The following MORN5 variants were observed in gnomAD, a reference collection of about 807,000 sequenced individuals.
MORN5 encodes MORN repeat containing 5, also known as MORN repeat-containing protein 5.
In MORN5, 21 loss-of-function variants were observed where a neutral mutation model predicts 22.1. The observed-to-expected ratio is 0.95, with a 90% confidence interval of 0.67 to 1.37. The LOEUF (loss-of-function observed/expected upper bound fraction) is 1.37. MORN5 is among the 40% of genes most tolerant of loss of function. The pLI, the probability that MORN5 is intolerant of heterozygous loss-of-function variation, is 0.00. For missense variants in MORN5, 211 were observed against 215.1 expected (o/e 0.98, Z 0.12); for synonymous variants, 73 against 74.0 (o/e 0.99, Z 0.07).
intron 1 of MORN5, among the ~76,000 whole-genome samples, chr9:122,162,777 A>C (rs564472240): frequency 6.6e-6 from 1 of 152,366 alleles, no homozygotes; most frequent in East Asian, 1.9e-4. Context: ...ATGCAAATCT[A>C]TGGTGACAGA....
At chr9:122,192,518 G>A (rs1829794244) in intron 4 of MORN5, among the ~76,000 whole-genome samples, 1 of 150,476 alleles carries the variant, frequency 6.6e-6, no homozygotes, top group Non-Finnish European at 1.5e-5. Flanking sequence ...AGACTTTCAG[G>A]ATCTCTTTTT....
chr9:122,186,181 C>T (rs1447969896), intron 4 of MORN5, among the ~76,000 whole-genome samples: 3 of 152,202 alleles, frequency 2.0e-5, no homozygotes, highest in South Asian at 2.1e-4. Flanking sequence ...TGAACGCCTC[C>T]ATGGTGCCAG....
chr9:122,166,313 C>T (rs571937132), intron 1 of MORN5, among the ~76,000 whole-genome samples: 1 of 148,690 alleles, frequency 6.7e-6, no homozygotes, highest in South Asian at 2.1e-4. Context: ...AAGCTTCAAA[C>T]CCTTACTCCT....
At chr9:122,178,677 C>T (rs1284099070) in intron 4 of MORN5, among the ~76,000 whole-genome samples, 1 of 152,164 alleles carries the variant, frequency 6.6e-6, no homozygotes, top group East Asian at 1.9e-4. Context: ...TCCCAGGTTC[C>T]ATTTGCCTTG....
intron 1 of MORN5, among the ~76,000 whole-genome samples, chr9:122,160,902 T>G (rs185129981): frequency 6.6e-6 from 1 of 152,308 alleles, no homozygotes; most frequent in East Asian, 1.9e-4. Flanking sequence ...CAATGTTGAG[T>G]GGCTACCGAG....
In MORN5 at chr9:122,160,542, T is replaced by C. The variant is rs536136177; in HGVS notation, c.47+523T>C. ...ATTCAACAGTTTTTTTTTCTTTTCT[T>C]TTCCTTCCTTCCTTCCTTCCTTTTT... On this transcript the variant is annotated intron_variant, in intron 1 of 4. Transcript: ENST00000373764. Among the ~76,000 whole-genome samples the C allele has an allele frequency of 3.3e-5, 5 of 151,476 alleles. No individual in the cohort carries two copies. In the East Asian group the frequency reaches 7.8e-4, roughly 23 times the overall value.
chr9:122,185,443 G>A (rs1031344108), intron 4 of MORN5, among the ~76,000 whole-genome samples: 1 of 144,188 alleles, frequency 6.9e-6, no homozygotes, highest in Non-Finnish European at 1.5e-5. Flanking sequence ...AGCCAGGATG[G>A]TCTCGATCTC....
In MORN5 at chr9:122,174,571, A is replaced by G. The variant is rs777428150; in HGVS notation, c.383A>G (p.Tyr128Cys). Residue 128 changes from tyrosine (Y) to cysteine (C), a missense_variant, in exon 4 of 5, where the codon TAT (tyrosine) becomes TGT (cysteine). By Grantham distance (194) the Tyr-to-Cys change is radical (BLOSUM62 -2). Transcript: ENST00000373764. The stretch of plus-strand genomic sequence containing the variant: ...TATTACGATTGTGGAGACGGCTTCT[A>G]TAACCCAGTCACGAGGGTAGTCAAG... Reference protein sequence around the residue: ...KGYYDCGDGFYNPVTRVVKDY... With the variant: ...KGYYDCGDGFCNPVTRVVKDY... 2 of 1,614,190 alleles carry G rather than the reference A, an allele frequency of 1.2e-6. No individual in the cohort carries two copies. Among genetic ancestry groups the G allele is most frequent in the Non-Finnish European group, 1.7e-6 (2 of 1,180,036 alleles).
chr9:122,195,742 A>G (rs1304455296), intron 4 of MORN5, among the ~76,000 whole-genome samples: 1 of 152,106 alleles, frequency 6.6e-6, no homozygotes, highest in Non-Finnish European at 1.5e-5. Context: ...CTCCCTTTCC[A>G]TACTGTACTC....
At chr9:122,160,568 T>C (rs1029522516) in intron 1 of MORN5, among the ~76,000 whole-genome samples, 13 of 151,628 alleles carry the variant, frequency 8.6e-5, no homozygotes, top group Non-Finnish European at 1.9e-4. Context: ...CTTCCTTTTT[T>C]CCTTCCTTCC....
chr9:122,164,786 T>G (rs897779655), intron 1 of MORN5: 5 of 234,596 alleles, frequency 2.1e-5, no homozygotes, highest in Admixed American at 6.5e-5. Context: ...TCCCCCCATG[T>G]CTTGCACTAG....
chr9:122,174,137 C>T (rs1829408319), intron 3 of MORN5, among the ~76,000 whole-genome samples: 1 of 152,236 alleles, frequency 6.6e-6, no homozygotes, highest in Admixed American at 6.5e-5. Context: ...TGCCACCCCT[C>T]TTCTGGATCT....
At chr9:122,179,673 C>A (rs1270846934) in intron 4 of MORN5, among the ~76,000 whole-genome samples, 1 of 152,166 alleles carries the variant, frequency 6.6e-6, no homozygotes, top group Non-Finnish European at 1.5e-5. Flanking sequence ...GTATTTTGGT[C>A]CTGATATTAT....
intron 1 of MORN5, chr9:122,164,757 G>C (rs1829251235): frequency 2.2e-4 from 61 of 277,086 alleles, no homozygotes; most frequent in South Asian, 4.1e-4. Context: ...AGGAGGGAAG[G>C]AGAAGAGGAA....
intron 3 of MORN5, 151 bp downstream of exon 3, chr9:122,169,907 C>T: frequency 1.6e-6 from 1 of 635,004 alleles, no homozygotes. Flanking sequence ...GGTCCTGGAG[C>T]CAGGAAGGCC....
chr9:122,163,965 T>C (rs948322565), intron 1 of MORN5, among the ~76,000 whole-genome samples: 2 of 152,072 alleles, frequency 1.3e-5, no homozygotes, highest in Non-Finnish European at 2.9e-5. Flanking sequence ...CTCACAGCAA[T>C]GTCCACCCCA....
At chr9:122,199,171 C>A (rs1183451861) in intron 4 of MORN5, among the ~76,000 whole-genome samples, 1 of 152,208 alleles carries the variant, frequency 6.6e-6, no homozygotes, top group Non-Finnish European at 1.5e-5. Context: ...ACAGCACAGG[C>A]TTTATAGCTG....
Position 122,200,070 on chromosome 9 carries a change from A to C in MORN5, c.*139A>C. 3.8e-6 allele frequency: 3 copies of C among 785,504 alleles called. No homozygotes were observed. The highest frequency in any genetic ancestry group is 6.4e-6 in the Non-Finnish European group (3 of 468,694). The allele number at this position is 785,504 out of a possible 1,614,324, so 48.7% of individuals were successfully genotyped here. A position where few individuals can be genotyped will look rare whatever the true frequency, so the allele number is the denominator to read the frequency against. On this transcript the variant is annotated 3_prime_UTR_variant, in exon 5 of 5. Transcript: ENST00000373764. ...ACCTGATTTTAACTCAGGAATAAAG[A>C]CTTTCTGCGGTCAGTGGCCCCAGGT...
chr9:122,169,656 G>T lies in MORN5; in HGVS notation c.207G>T (p.Thr69=), dbSNP rs149599874. ...ENGLAIKGTY[T]FSDGLHYDEK... is the part of the protein sequence containing the mutation. Reference sequence around the variant, plus strand: ...TCCTTGTCTTCCAGGGCACATATACGTTCTCAGATGGGCTGCACTATGATG... The same window carrying T: ...TCCTTGTCTTCCAGGGCACATATACTTTCTCAGATGGGCTGCACTATGATG... The change falls in exon 3 of 5, where the codon ACG becomes ACT. Residue 69 remains threonine, a synonymous_variant. Transcript: ENST00000373764. 6.6e-5 allele frequency: 106 copies of T among 1,613,386 alleles called. No homozygotes were observed. The highest frequency in any genetic ancestry group is 8.4e-5 in the Non-Finnish European group (99 of 1,179,484).
Sources: gnomAD v4.1 joint callset for allele counts (sites outside exome capture counted in the v4.1 genomes callset) on GRCh38, gnomAD v4.1.1 for gene constraint, MANE v1.5 for transcripts, NCBI Gene and HGNC (gene_info 2026-07-23, HGNC 2026-07-21) for gene names.